Variants in DOCK3 observed in about 807,000 individuals in gnomAD.
DOCK3 encodes the protein dedicator of cytokinesis 3, also known as dedicator of cytokinesis protein 3.
A neutral mutation model predicts 265.6 loss-of-function variants in DOCK3; 60 were observed. The ratio of observed to expected loss-of-function variants is 0.23; its 90% confidence interval spans 0.18 to 0.28. DOCK3 has a LOEUF of 0.28. Ranked by LOEUF, DOCK3 falls within the 10% of genes least tolerant of loss-of-function variation. The pLI, the probability that DOCK3 is intolerant of heterozygous loss-of-function variation, is 1.00. For missense variants in DOCK3, 1,981 were observed against 2,594.3 expected (o/e 0.76, Z 5.14); for synonymous variants, 881 against 938.0 (o/e 0.94, Z 1.11).
intron 21 of DOCK3, among the ~76,000 whole-genome samples, chr3:51,244,604 AT>A (rs2078744317): frequency 6.6e-6 from 1 of 152,190 alleles, no homozygotes; most frequent in Non-Finnish European, 1.5e-5. Context: ...GGTTTTCTAC[AT>A]ATAAGATTAT....
At chr3:50,882,507 C>T (rs551396114) in intron 3 of DOCK3, among the ~76,000 whole-genome samples, 20 of 152,204 alleles carry the variant, frequency 1.3e-4, no homozygotes, top group East Asian at 5.8e-4. Context: ...CCAACAGACA[C>T]GTGAAAAAAT....
At chr3:51,083,124 A>G (rs2082300226) in intron 7 of DOCK3, among the ~76,000 whole-genome samples, 2 of 152,148 alleles carry the variant, frequency 1.3e-5, no homozygotes, top group Admixed American at 6.5e-5. Context: ...TTCCTAGCTA[A>G]GCCTCACCAC....
At chr3:50,921,579 G>A (rs1002832429) in intron 4 of DOCK3, among the ~76,000 whole-genome samples, 15 of 152,144 alleles carry the variant, frequency 9.9e-5, no homozygotes, top group Non-Finnish European at 2.1e-4. Context: ...TCTCCATCCA[G>A]CTTTGTTCCG....
At chr3:51,257,852 C>T (rs888956024) in intron 22 of DOCK3, among the ~76,000 whole-genome samples, 1 of 152,192 alleles carries the variant, frequency 6.6e-6, no homozygotes, top group African/African-American at 2.4e-5. Context: ...TCCTCTGCCC[C>T]GCTCTCCTTC....
Position 51,377,618 on chromosome 3 carries a change from C to T in DOCK3, c.5500+1783C>T, listed in dbSNP as rs1297263295. Among the ~76,000 whole-genome samples, 10 of 152,324 alleles carry T rather than the reference C, an allele frequency of 6.6e-5. No individual in the cohort carries two copies. In the East Asian group the frequency reaches 1.9e-3, roughly 29 times the overall value. On this transcript the variant is annotated intron_variant, in intron 51 of 52. Transcript: ENST00000266037. ...GATAAGTCATTCTGTATTAGCCTTC[C>T]CTCTAGCCCCAGTGCATTTATGCTA...
intron 35 of DOCK3, among the ~76,000 whole-genome samples, chr3:51,337,590 TAGG>T (rs2084956216): frequency 1.3e-5 from 2 of 152,352 alleles, no homozygotes; most frequent in East Asian, 3.9e-4. Context: ...CTGGCTGGCA[TAGG>T]AGATGTCTTG....
At chr3:50,939,886 T>TA (rs1176916741) in intron 5 of DOCK3, among the ~76,000 whole-genome samples, 1 of 152,086 alleles carries the variant, frequency 6.6e-6, no homozygotes, top group Non-Finnish European at 1.5e-5. Context: ...AAACGAGAGA[T>TA]ATACAGATAG....
intron 1 of DOCK3, among the ~76,000 whole-genome samples, chr3:50,749,506 C>T (rs1383865842): frequency 3.9e-5 from 6 of 152,260 alleles, no homozygotes; most frequent in African/African-American, 1.2e-4. Flanking sequence ...GCTGGAGTGG[C>T]TTAGTAAGGA....
At chr3:50,860,376 G>A (rs1323204077) in intron 3 of DOCK3, among the ~76,000 whole-genome samples, 1 of 152,146 alleles carries the variant, frequency 6.6e-6, no homozygotes, top group Non-Finnish European at 1.5e-5. Flanking sequence ...GATAGTTCTG[G>A]CTCTATAGTT....
At chr3:51,029,025 A>G (rs893096273) in intron 5 of DOCK3, among the ~76,000 whole-genome samples, 5 of 152,014 alleles carry the variant, frequency 3.3e-5, no homozygotes, top group African/African-American at 4.8e-5. Context: ...TTTTCATCTG[A>G]GAGAGCTGAT....
At chr3:51,021,002 G>A (rs144347339) in intron 5 of DOCK3, among the ~76,000 whole-genome samples, 1 of 152,006 alleles carries the variant, frequency 6.6e-6, no homozygotes, top group East Asian at 1.9e-4. Flanking sequence ...CTAATTTTGT[G>A]AAGAATGTCA....
intron 12 of DOCK3, among the ~76,000 whole-genome samples, chr3:51,180,084 T>A (rs2087194558): frequency 6.6e-6 from 1 of 151,790 alleles, no homozygotes; most frequent in Admixed American, 6.6e-5. Flanking sequence ...GGCCGGCACC[T>A]GTTATCCCAG....
At chr3:51,291,960 T>C (rs1423988846) in intron 27 of DOCK3, among the ~76,000 whole-genome samples, 1 of 152,206 alleles carries the variant, frequency 6.6e-6, no homozygotes, top group Non-Finnish European at 1.5e-5. Flanking sequence ...GATCAATAAA[T>C]GTGATTCACC....
chr3:50,677,218 C>G (rs1161072228), intron 1 of DOCK3, among the ~76,000 whole-genome samples: 5 of 152,200 alleles, frequency 3.3e-5, no homozygotes, highest in African/African-American at 1.2e-4. Context: ...AACTTAGATG[C>G]CTTTTCTACC....
At chr3:51,334,966 C>G (rs1232093655) in intron 35 of DOCK3, among the ~76,000 whole-genome samples, 5 of 152,150 alleles carry the variant, frequency 3.3e-5, no homozygotes, top group Admixed American at 6.5e-5. Flanking sequence ...CTGGCCTTTA[C>G]TCACTTCTCC....
At position 51,201,019 on chromosome 3, in the gene DOCK3, G is replaced by A. The variant is rs878946887; in HGVS notation, c.1038-7755G>A. Among the ~76,000 whole-genome samples, 6 of 151,712 alleles carry A rather than the reference G, an allele frequency of 4.0e-5. No individual in the cohort carries two copies. The South Asian group carries it at 6.3e-4, about 16-fold the overall frequency. On this transcript the variant is annotated intron_variant, in intron 12 of 52. Transcript: ENST00000266037. ...AGGCCTGCCCTAAAAGAGCTCCTGA[G>A]GGAAGCACTAAACATGGAAAGGAAC...
chr3:50,824,846 A>G (rs116651549), intron 2 of DOCK3, among the ~76,000 whole-genome samples: 64 of 152,300 alleles, frequency 4.2e-4, no homozygotes, highest in African/African-American at 1.4e-3. Context: ...GTTCATTCCA[A>G]TTTTTCTCTT....
intron 5 of DOCK3, among the ~76,000 whole-genome samples, chr3:50,950,592 A>G (rs2076563067): frequency 1.3e-5 from 2 of 151,992 alleles, no homozygotes; most frequent in Non-Finnish European, 2.9e-5. Context: ...TGAGACCCAT[A>G]CCTAGCTTCA....
chr3:50,760,669 C>T (rs928256199), intron 1 of DOCK3, among the ~76,000 whole-genome samples: 6 of 152,102 alleles, frequency 3.9e-5, no homozygotes, highest in African/African-American at 9.7e-5. Flanking sequence ...TTTTAACTTA[C>T]GATGGATTTA....
Sources: allele counts gnomAD v4.1 joint callset (sites outside exome capture counted in the v4.1 genomes callset), GRCh38; gene constraint gnomAD v4.1.1; transcripts MANE v1.5; gene names NCBI Gene and HGNC (gene_info 2026-07-23, HGNC 2026-07-21).